CDYL2: variants seen among roughly 807,000 people sequenced by gnomAD.
CDYL2 encodes the protein chromodomain Y-like protein 2.
In CDYL2, 23 loss-of-function variants were observed where a neutral mutation model predicts 49.4. The observed-to-expected ratio is 0.47, with a 90% confidence interval of 0.34 to 0.66. The LOEUF (loss-of-function observed/expected upper bound fraction) is 0.66, where lower values mean the gene tolerates loss of function less well. CDYL2 is among the 30% of genes least tolerant of loss of function. The pLI is 0.01. For synonymous variants in CDYL2, 360 were observed against 268.8 expected, an observed-to-expected ratio of 1.34 and a Z score of -3.32; for missense variants, 678 against 656.4, an observed-to-expected ratio of 1.03 and a Z score of -0.36.
At chr16:80,727,100 T>C (rs887040104) in intron 1 of CDYL2, among the ~76,000 whole-genome samples, 6 of 152,152 alleles carry the variant, frequency 3.9e-5, no homozygotes, top group Non-Finnish European at 7.4e-5. Flanking sequence ...GGAGCCAAGA[T>C]GGCCAAATAG....
rs573907162 is a variant in CDYL2, at chr16:80,695,835, G to A, written c.25-10706C>T. Reference sequence around the variant, plus strand: ...ACCTTCAACACACCACTCTCAGCACGAGACAGATCAAGCAGGCAGAAAATC... The same window carrying A: ...ACCTTCAACACACCACTCTCAGCACAAGACAGATCAAGCAGGCAGAAAATC... On this transcript the variant is annotated intron_variant, in intron 1 of 6. Transcript: ENST00000570137. 4.6e-5 allele frequency among the ~76,000 whole-genome samples: 7 copies of A among 152,242 alleles called. No homozygotes were observed. In the East Asian group the frequency reaches 7.7e-4, roughly 17 times the overall value.
chr16:80,727,842 A>G (rs568288576), intron 1 of CDYL2, among the ~76,000 whole-genome samples: 197 of 152,288 alleles, frequency 1.3e-3, no homozygotes, highest in Non-Finnish European at 2.1e-3. Context: ...GGGGCAGACT[A>G]ACACCTCACA....
rs1324733452 is a variant in CDYL2, at chr16:80,759,160, TTA to T, written c.24+44988_24+44989del. Among the ~76,000 whole-genome samples, 95 of 128,094 alleles carry T rather than the reference TTA, an allele frequency of 7.4e-4. 1 individual carries two copies. Among genetic ancestry groups the T allele is most frequent in the Admixed American group, 1.8e-3 (23 of 12,794 alleles). 84.0% of individuals were successfully genotyped at this position (128,094 alleles called of 152,430 possible). ...TATATGGTTTATATAAATATATGGT[TTA>T]TATATATATATATGGTGTGTATATA... On this transcript the variant is annotated intron_variant, in intron 1 of 6. Transcript: ENST00000570137.
intron 1 of CDYL2, among the ~76,000 whole-genome samples, chr16:80,700,406 C>T (rs1904294490): frequency 6.6e-6 from 1 of 152,226 alleles, no homozygotes; most frequent in African/African-American, 2.4e-5. Context: ...TGACAATGGA[C>T]TGAGAAAATA....
intron 3 of CDYL2, among the ~76,000 whole-genome samples, chr16:80,624,224 G>C (rs1034788435): frequency 6.6e-6 from 1 of 152,114 alleles, no homozygotes; most frequent in Admixed American, 6.5e-5. Context: ...GATGGAATCG[G>C]CTTTACCACA....
At chr16:80,714,716 C>G (rs1389499774) in intron 1 of CDYL2, among the ~76,000 whole-genome samples, 3 of 152,162 alleles carry the variant, frequency 2.0e-5, no homozygotes, top group African/African-American at 7.2e-5. Flanking sequence ...GGAACCCTGA[C>G]AAGAAATATC....
intron 3 of CDYL2, among the ~76,000 whole-genome samples, chr16:80,625,027 T>C (rs188110344): frequency 6.6e-6 from 1 of 152,294 alleles, no homozygotes; most frequent in Non-Finnish European, 1.5e-5. Flanking sequence ...TTGAAAGAGA[T>C]AAAGGATGAG....
At chr16:80,764,771 A>T (rs62052141) in intron 1 of CDYL2, among the ~76,000 whole-genome samples, 15,420 of 152,160 alleles carry the variant, frequency 0.1, 880 homozygotes, top group South Asian at 0.21. Context: ...GAAAGAATTT[A>T]GTTCCTCGGC....
intron 2 of CDYL2, among the ~76,000 whole-genome samples, chr16:80,642,668 G>T (rs1908152804): frequency 6.6e-6 from 1 of 152,066 alleles, no homozygotes. Flanking sequence ...GGAGGGAGGT[G>T]AAAGGCACTT....
chr16:80,737,573 TTGC>T, intron 1 of CDYL2, among the ~76,000 whole-genome samples: 1 of 152,192 alleles, frequency 6.6e-6, no homozygotes, highest in Non-Finnish European at 1.5e-5. Context: ...GTTGCTGCTG[TTGC>T]TGCTGCTGCT....
chr16:80,761,855 ATG>A (rs948672431), intron 1 of CDYL2, among the ~76,000 whole-genome samples: 5 of 151,214 alleles, frequency 3.3e-5, no homozygotes, highest in Non-Finnish European at 5.9e-5. Context: ...TAACATGTGA[ATG>A]TTCAATCTAA....
chr16:80,602,577 C>T lies in CDYL2; in HGVS notation c.*1811G>A. On this transcript the variant is annotated 3_prime_UTR_variant, in exon 7 of 7. Transcript: ENST00000570137. ...CTGCCCTGCCCAGTGCACCTGATTG[C>T]CAGGAAAAGATAAAGGACCACAGAG... 6.6e-6 allele frequency: 1 copy of T among 152,402 alleles called. No individual in the cohort carries two copies. 9.4% of individuals were successfully genotyped at this position (152,402 alleles called of 1,614,324 possible). A position where few individuals can be genotyped will look rare whatever the true frequency, so the allele number is the denominator to read the frequency against.
At chr16:80,736,119 C>T (rs1905516105) in intron 1 of CDYL2, among the ~76,000 whole-genome samples, 1 of 152,200 alleles carries the variant, frequency 6.6e-6, no homozygotes, top group Admixed American at 6.5e-5. Flanking sequence ...GGCCACAGGC[C>T]CAAGGCCACT....
chr16:80,622,814 G>A (rs991328417), intron 3 of CDYL2, among the ~76,000 whole-genome samples: 9 of 152,112 alleles, frequency 5.9e-5, no homozygotes, highest in East Asian at 1.9e-4. Flanking sequence ...CTGTGTTTGC[G>A]CTCTTCAAAG....
intron 1 of CDYL2, among the ~76,000 whole-genome samples, chr16:80,803,343 G>T (rs1267772972): frequency 6.6e-6 from 1 of 152,138 alleles, no homozygotes; most frequent in Non-Finnish European, 1.5e-5. Flanking sequence ...TGAGGGTGAC[G>T]AGAGTACTGG....
chr16:80,639,543 G>A, intron 2 of CDYL2: 1 of 371,222 alleles, frequency 2.7e-6, no homozygotes, highest in South Asian at 2.1e-5. Flanking sequence ...TGAGGGAATG[G>A]AGCAAGATGG....
intron 3 of CDYL2, among the ~76,000 whole-genome samples, chr16:80,625,579 G>C (rs1331895352): frequency 6.6e-6 from 1 of 152,148 alleles, no homozygotes. Context: ...ATCTACCACA[G>C]ACTTGAATAC....
chr16:80,786,994 AC>A (rs1907458719), intron 1 of CDYL2, among the ~76,000 whole-genome samples: 1 of 152,088 alleles, frequency 6.6e-6, no homozygotes, highest in African/African-American at 2.4e-5. Context: ...GGTGCAGCAA[AC>A]CACCATGGCA....
At chr16:80,771,755 C>A (rs1278377337) in intron 1 of CDYL2, among the ~76,000 whole-genome samples, 1 of 151,882 alleles carries the variant, frequency 6.6e-6, no homozygotes, top group Non-Finnish European at 1.5e-5. Context: ...AACTAAAAAA[C>A]TGCAGAGCAG....
Sources: gnomAD v4.1 joint callset for allele counts (sites outside exome capture counted in the v4.1 genomes callset) on GRCh38, gnomAD v4.1.1 for gene constraint, MANE v1.5 for transcripts, NCBI Gene and HGNC (gene_info 2026-07-23, HGNC 2026-07-21) for gene names.